Variants in SSBP2 observed in about 807,000 individuals in gnomAD.
SSBP2 encodes the protein single-stranded DNA-binding protein 2.
In SSBP2, 17 loss-of-function variants were observed where a neutral mutation model predicts 61.8. The observed-to-expected ratio is 0.28, with a 90% confidence interval of 0.19 to 0.41. SSBP2 has a LOEUF of 0.41. Ranked by LOEUF, SSBP2 falls within the 10% of genes least tolerant of loss-of-function variation. The pLI is 1.00. For missense variants in SSBP2, 310 were observed against 458.7 expected, an observed-to-expected ratio of 0.68 and a Z score of 2.96; for synonymous variants, 139 against 141.3, an observed-to-expected ratio of 0.98 and a Z score of 0.12.
Position 81,618,248 on chromosome 5 carries a change from A to C in SSBP2, c.198-2691T>G, listed in dbSNP as rs1318834844. Reference sequence around the variant, plus strand: ...ACACACATAGGCTCAAAATAAAAGGATGGAGGAAGATCTACCAAGCCAATG... The same window carrying C: ...ACACACATAGGCTCAAAATAAAAGGCTGGAGGAAGATCTACCAAGCCAATG... On this transcript the variant is annotated intron_variant, in intron 3 of 16. Coordinates refer to ENST00000320672, the MANE Select transcript of SSBP2 (RefSeq NM_012446.5). Among the ~76,000 whole-genome samples the C allele has an allele frequency of 2.3e-4, 21 of 92,096 alleles. 2 individuals are homozygous for C. The highest frequency in any genetic ancestry group is 8.9e-3 in the Middle Eastern group (2 of 224). The allele number at this position is 92,096 out of a possible 152,430, so 60.4% of individuals were successfully genotyped here.
chr5:81,641,089 T>G (rs1341887983), intron 2 of SSBP2, among the ~76,000 whole-genome samples: 1 of 152,128 alleles, frequency 6.6e-6, no homozygotes, highest in Non-Finnish European at 1.5e-5. Flanking sequence ...GAAAATGGCA[T>G]GACTAGGTTT....
At chr5:81,478,853 C>T (rs1356464082) in intron 6 of SSBP2, among the ~76,000 whole-genome samples, 1 of 152,146 alleles carries the variant, frequency 6.6e-6, no homozygotes. Flanking sequence ...TCATTATAGA[C>T]AATGATGTTT....
chr5:81,574,485 GA>G (rs1297548076), intron 4 of SSBP2, among the ~76,000 whole-genome samples: 1 of 151,714 alleles, frequency 6.6e-6, no homozygotes, highest in African/African-American at 2.4e-5. Context: ...AAAAGGAGTT[GA>G]AAAAAATAGA....
At chr5:81,559,613 T>G (rs1772885290) in intron 4 of SSBP2, among the ~76,000 whole-genome samples, 3 of 151,978 alleles carry the variant, frequency 2.0e-5, no homozygotes, top group Admixed American at 1.3e-4. Context: ...GTAGCAGGTT[T>G]CTACCTTAAA....
rs74852282 is a variant in SSBP2, at chr5:81,460,400, G to T, written c.687+655C>A. Among the ~76,000 whole-genome samples, 193 of 152,198 alleles carry T rather than the reference G, an allele frequency of 1.3e-3. 5 individuals carry two copies. In the East Asian group the frequency reaches 0.035, roughly 27 times the overall value. ...AGACAAGAAGGAAAAACATCTCCAG[G>T]ATCACAACATTAAAATCATATTAAG... On this transcript the variant is annotated intron_variant, in intron 10 of 16. Coordinates refer to ENST00000320672, the MANE Select transcript of SSBP2 (RefSeq NM_012446.5).
chr5:81,715,035 G>C (rs569290818), intron 1 of SSBP2, among the ~76,000 whole-genome samples: 5 of 152,138 alleles, frequency 3.3e-5, no homozygotes, highest in South Asian at 4.1e-4. Context: ...AACCAAAATA[G>C]AAAGATGTGG....
chr5:81,421,332 AC>A (rs1300787751), intron 16 of SSBP2, among the ~76,000 whole-genome samples: 5 of 152,132 alleles, frequency 3.3e-5, no homozygotes, highest in African/African-American at 1.2e-4. Context: ...AGCTGGGACT[AC>A]AGGCACACGC....
chr5:81,448,399 T>C (rs910163199), intron 11 of SSBP2, among the ~76,000 whole-genome samples: 1 of 152,192 alleles, frequency 6.6e-6, no homozygotes, highest in Non-Finnish European at 1.5e-5. Context: ...TCATTTGTGA[T>C]TGGGAGAAAG....
At chr5:81,643,882 C>T (rs947080475) in intron 2 of SSBP2, among the ~76,000 whole-genome samples, 1 of 152,028 alleles carries the variant, frequency 6.6e-6, no homozygotes, top group East Asian at 1.9e-4. Flanking sequence ...GGATTACATG[C>T]GTGAGCCACC....
chr5:81,451,629 G>A (rs1418683701), intron 10 of SSBP2, among the ~76,000 whole-genome samples: 1 of 152,172 alleles, frequency 6.6e-6, no homozygotes, highest in Non-Finnish European at 1.5e-5. Context: ...GTTTCACCAT[G>A]TTGGCCAGGC....
chr5:81,594,589 G>C (rs1383978078), intron 4 of SSBP2, among the ~76,000 whole-genome samples: 1 of 152,288 alleles, frequency 6.6e-6, no homozygotes, highest in African/African-American at 2.4e-5. Flanking sequence ...CACATAGTTG[G>C]AAGTAAAGCA....
At chr5:81,436,813 G>A (rs1349087087) in intron 15 of SSBP2, among the ~76,000 whole-genome samples, 1 of 151,978 alleles carries the variant, frequency 6.6e-6, no homozygotes, top group Non-Finnish European at 1.5e-5. Context: ...AAAATATAAG[G>A]CATTTTAGTA....
intron 4 of SSBP2, among the ~76,000 whole-genome samples, chr5:81,561,731 T>C (rs1023112160): frequency 1.1e-4 from 17 of 152,202 alleles, no homozygotes; most frequent in African/African-American, 2.6e-4. Context: ...CAGAGTAGAA[T>C]TGCATCAAGA....
At chr5:81,628,741 T>G (rs1461405289) in intron 3 of SSBP2, among the ~76,000 whole-genome samples, 5 of 151,940 alleles carry the variant, frequency 3.3e-5, no homozygotes. Context: ...ATTAGGGAAA[T>G]CACATTAGAA....
intron 1 of SSBP2, among the ~76,000 whole-genome samples, chr5:81,709,228 C>T (rs919365982): frequency 3.3e-5 from 5 of 151,874 alleles, no homozygotes; most frequent in African/African-American, 1.2e-4. Context: ...GATGTAATGG[C>T]TTTCATTTCT....
intron 1 of SSBP2, among the ~76,000 whole-genome samples, chr5:81,745,396 C>A (rs1757292893): frequency 6.6e-6 from 1 of 152,062 alleles, no homozygotes; most frequent in Non-Finnish European, 1.5e-5. Context: ...GTAAAATACA[C>A]AAAGTTTGAT....
intron 4 of SSBP2, among the ~76,000 whole-genome samples, chr5:81,523,634 T>C (rs1282261988): frequency 6.6e-6 from 1 of 152,064 alleles, no homozygotes; most frequent in Non-Finnish European, 1.5e-5. Context: ...TTAGCATTCA[T>C]GTTATATGTT....
chr5:81,631,631 T>A lies in SSBP2; in HGVS notation c.197+4926A>T, dbSNP rs551533164. 2.6e-5 allele frequency among the ~76,000 whole-genome samples: 4 copies of A among 152,186 alleles called. No homozygotes were observed. The South Asian group carries it at 8.3e-4, about 32-fold the overall frequency. On this transcript the variant is annotated intron_variant, in intron 3 of 16. Coordinates refer to ENST00000320672, the MANE Select transcript of SSBP2 (RefSeq NM_012446.5). ...GGATTTAAACACTGCCTGGCAATAT[T>A]TTGTGTGTGCGCCTACTCAGTTCTT... is the stretch of plus-strand genomic sequence containing the variant.
intron 15 of SSBP2, among the ~76,000 whole-genome samples, chr5:81,432,283 A>G (rs1762341468): frequency 6.6e-6 from 1 of 152,106 alleles, no homozygotes; most frequent in Non-Finnish European, 1.5e-5. Context: ...ACTGGAGCCA[A>G]AATTCTTGGG....
Sources: gnomAD v4.1 joint callset for allele counts (sites outside exome capture counted in the v4.1 genomes callset) on GRCh38, gnomAD v4.1.1 for gene constraint, MANE v1.5 for transcripts, NCBI Gene and HGNC (gene_info 2026-07-23, HGNC 2026-07-21) for gene names.